The following GSG1L variants were observed in gnomAD, a reference collection of about 807,000 sequenced individuals.
GSG1L encodes the protein GSG1 like.
GSG1L carries 24 observed loss-of-function variants against 42.1 expected under a neutral mutation model. The ratio of observed to expected loss-of-function variants is 0.57; its 90% CI spans 0.41 to 0.80. GSG1L has a LOEUF of 0.80. Ranked by LOEUF, GSG1L falls within the 30% of genes least tolerant of loss-of-function variation. The pLI is 0.00. For missense variants in GSG1L, 445 were observed against 472.2 expected (o/e 0.94, Z 0.53); for synonymous variants, 215 against 203.5 (o/e 1.06, Z -0.48).
At chr16:27,972,164 G>A (rs2085200315) in intron 1 of GSG1L, among the ~76,000 whole-genome samples, 1 of 152,184 alleles carries the variant, frequency 6.6e-6, no homozygotes, top group South Asian at 2.1e-4. Flanking sequence ...AATCCAAGAG[G>A]GGCCAAAATA....
chr16:27,789,286 T>C lies in GSG1L; in HGVS notation c.*2084A>G, dbSNP rs1397896884. On this transcript the variant is annotated 3_prime_UTR_variant, in exon 7 of 7. Transcript: ENST00000447459. ...GGATAATGCAGAAATGGATAATGGATGGATGGATGGTTGATGGATAATGGG... is the reference window on the plus strand; with the variant it reads ...GGATAATGCAGAAATGGATAATGGACGGATGGATGGTTGATGGATAATGGG... 2 of 152,050 alleles carry C rather than the reference T, an allele frequency of 1.3e-5. No homozygotes were observed. The highest frequency in any genetic ancestry group is 2.9e-5 in the Non-Finnish European group (2 of 67,978). 9.4% of individuals were successfully genotyped at this position (152,050 alleles called of 1,614,324 possible). A position where few individuals can be genotyped will look rare whatever the true frequency, so the allele number is the denominator to read the frequency against.
chr16:27,876,529 G>A (rs949837112), intron 3 of GSG1L, among the ~76,000 whole-genome samples: 3 of 152,204 alleles, frequency 2.0e-5, no homozygotes, highest in Admixed American at 6.5e-5. Context: ...AGATGAGATC[G>A]TAAGGCAAAT....
At chr16:27,888,454 TTCTTTCTTTC>T (rs764820208) in intron 2 of GSG1L, among the ~76,000 whole-genome samples, 4,285 of 40,794 alleles carry the variant, frequency 0.11, 467 homozygotes, top group South Asian at 0.18. Context: ...CTTTCTTTCT[TTCTTTCTTTC>T]TCTCTCTCTC....
intron 3 of GSG1L, among the ~76,000 whole-genome samples, chr16:27,848,669 A>C (rs553793352): frequency 5.1e-4 from 77 of 152,304 alleles, no homozygotes; most frequent in African/African-American, 1.8e-3. Context: ...AAACATTTCC[A>C]TGAAAAAACT....
intron 3 of GSG1L, among the ~76,000 whole-genome samples, chr16:27,881,530 G>A (rs1709774): frequency 0.63 from 95,322 of 151,896 alleles, 30,512 homozygotes; most frequent in Admixed American, 0.75. Context: ...ATGAGCAACC[G>A]CACCCGGCCA....
chr16:28,016,867 C>T (rs1186720734), intron 1 of GSG1L, among the ~76,000 whole-genome samples: 1 of 152,230 alleles, frequency 6.6e-6, no homozygotes, highest in Non-Finnish European at 1.5e-5. Context: ...AGAGTCCTCT[C>T]ACCTCCTTCC....
At chr16:27,936,604 C>T (rs1301306972) in intron 2 of GSG1L, among the ~76,000 whole-genome samples, 2 of 152,156 alleles carry the variant, frequency 1.3e-5, no homozygotes, top group African/African-American at 4.8e-5. Context: ...CCAAATAAGC[C>T]TCTATTCATT....
At chr16:27,927,338 G>A (rs963505007) in intron 2 of GSG1L, among the ~76,000 whole-genome samples, 4 of 151,944 alleles carry the variant, frequency 2.6e-5, no homozygotes, top group Admixed American at 6.6e-5. Context: ...GGGGTCTCAC[G>A]GTGTTGCCCA....
chr16:27,805,945 C>A (rs1309429213), intron 6 of GSG1L, among the ~76,000 whole-genome samples: 2 of 151,952 alleles, frequency 1.3e-5, no homozygotes, highest in Admixed American at 1.3e-4. Flanking sequence ...AGGCCTCTTT[C>A]TACCCAGGAT....
At chr16:27,946,579 AAGAGAGAG>A (rs1166800286) in intron 2 of GSG1L, among the ~76,000 whole-genome samples, 48 of 37,012 alleles carry the variant, frequency 1.3e-3, no homozygotes, top group South Asian at 3.3e-3. Context: ...GAAAGAAAGA[AAGAGAGAG>A]AGAGAGAGAG....
At chr16:28,013,522 T>C (rs546589705) in intron 1 of GSG1L, among the ~76,000 whole-genome samples, 1 of 152,182 alleles carries the variant, frequency 6.6e-6, no homozygotes, top group Non-Finnish European at 1.5e-5. Context: ...AGGGAAATGT[T>C]ACTAGACCCT....
chr16:27,970,387 C>T (rs537881557), intron 1 of GSG1L, among the ~76,000 whole-genome samples: 1 of 151,992 alleles, frequency 6.6e-6, no homozygotes, highest in Non-Finnish European at 1.5e-5. Flanking sequence ...GCCTGGCCAA[C>T]ATGGTGAAAT....
At chr16:28,010,214 C>G (rs1447530189) in intron 1 of GSG1L, among the ~76,000 whole-genome samples, 3 of 152,134 alleles carry the variant, frequency 2.0e-5, no homozygotes, top group Admixed American at 2.0e-4. Context: ...GTAAAGTCAG[C>G]AAAATCCTCA....
intron 2 of GSG1L, among the ~76,000 whole-genome samples, chr16:27,942,916 G>A (rs60377832): frequency 0.052 from 7,983 of 152,194 alleles, 715 homozygotes; most frequent in African/African-American, 0.18. Flanking sequence ...GGGTAGATGC[G>A]AAACCAGTGG....
rs1295941978 is a variant in GSG1L at position 28,042,495 on chromosome 16, T to G, written c.349+20581A>C. ...AATCCCAACAACAGAGAAATCCATT[T>G]AGTAATGTTCATGCTAACCAGCAGT... On this transcript the variant is annotated intron_variant, in intron 1 of 6. Coordinates refer to ENST00000447459, the MANE Select transcript of GSG1L (RefSeq NM_001109763.2). 3.3e-5 allele frequency among the ~76,000 whole-genome samples: 5 copies of G among 151,594 alleles called. No individual in the cohort carries two copies. In the East Asian group the frequency reaches 9.7e-4, roughly 29 times the overall value.
intron 2 of GSG1L, among the ~76,000 whole-genome samples, chr16:27,898,740 C>T (rs1403403678): frequency 1.3e-5 from 2 of 151,906 alleles, no homozygotes; most frequent in South Asian, 2.1e-4. Context: ...GTGTGTGTTT[C>T]TCTGTCTCCC....
chr16:27,809,561 A>G (rs2083006621), intron 5 of GSG1L, among the ~76,000 whole-genome samples: 1 of 142,994 alleles, frequency 7.0e-6, no homozygotes, highest in South Asian at 2.2e-4. Flanking sequence ...CCAAGCAACA[A>G]GTGAGACCCC....
At chr16:28,030,143 G>A (rs1260140647) in intron 1 of GSG1L, among the ~76,000 whole-genome samples, 2 of 152,210 alleles carry the variant, frequency 1.3e-5, no homozygotes, top group Admixed American at 1.3e-4. Flanking sequence ...CTGCCTGCCA[G>A]CATCCCTCCT....
At chr16:28,005,144 G>A (rs2085624610) in intron 1 of GSG1L, among the ~76,000 whole-genome samples, 1 of 152,038 alleles carries the variant, frequency 6.6e-6, no homozygotes, top group Non-Finnish European at 1.5e-5. Context: ...ATGGAGTTTT[G>A]CTCTTGTTGC....
Sources: allele counts gnomAD v4.1 joint callset (sites outside exome capture counted in the v4.1 genomes callset), GRCh38; gene constraint gnomAD v4.1.1; transcripts MANE v1.5; gene names NCBI Gene and HGNC (gene_info 2026-07-23, HGNC 2026-07-21).